The following UNC5D variants were observed in gnomAD, a reference collection of about 807,000 sequenced individuals.
The protein encoded by UNC5D is unc-5 netrin receptor D.
Under a neutral mutation model 105.4 loss-of-function variants are expected in UNC5D, and 39 were observed. That is an observed-to-expected ratio of 0.37 (90% CI 0.29 to 0.48). The LOEUF (loss-of-function observed/expected upper bound fraction) is 0.48. Among genes scored for constraint, UNC5D ranks in the 20% least tolerant of loss-of-function variants. The pLI is 0.98. For synonymous variants in UNC5D, 452 were observed against 450.4 expected (o/e 1.00, Z -0.04); for missense variants, 991 against 1,202.4 (o/e 0.82, Z 2.60).
At chr8:35,326,153 A>G (rs1469010429) in intron 1 of UNC5D, among the ~76,000 whole-genome samples, 1 of 152,172 alleles carries the variant, frequency 6.6e-6, no homozygotes, top group Non-Finnish European at 1.5e-5. Flanking sequence ...GTTTCTCATT[A>G]TGGAGTTATT....
intron 1 of UNC5D, among the ~76,000 whole-genome samples, chr8:35,248,778 T>A (rs1803413199): frequency 2.0e-5 from 2 of 98,290 alleles, no homozygotes; most frequent in Non-Finnish European, 3.5e-5. Flanking sequence ...ATTATATAAA[T>A]ATATAAAATA....
chr8:35,349,565 C>T (rs1388728566), intron 1 of UNC5D, among the ~76,000 whole-genome samples: 1 of 151,926 alleles, frequency 6.6e-6, no homozygotes, highest in African/African-American at 2.4e-5. Flanking sequence ...GCAATGAATA[C>T]TGTCAGTTTC....
intron 8 of UNC5D, among the ~76,000 whole-genome samples, chr8:35,709,699 A>C (rs1827818490): frequency 6.6e-6 from 1 of 151,994 alleles, no homozygotes; most frequent in Non-Finnish European, 1.5e-5. Context: ...AAAATAAAAC[A>C]AAATAAAATA....
rs571693582 is a variant in UNC5D at position 35,497,601 on chromosome 8, A to G, written c.104-51691A>G. Among the ~76,000 whole-genome samples, 109 of 152,202 alleles carry G rather than the reference A, an allele frequency of 7.2e-4. 2 individuals are homozygous for G. The highest frequency in any genetic ancestry group is 2.4e-3 in the African/African-American group (99 of 41,542). ...AGTGTGAGATGTCTTTTGGACAGCC[A>G]ATGGAAATATCTAATTTTTACAAAT... is the stretch of plus-strand genomic sequence containing the variant. On this transcript the variant is annotated intron_variant, in intron 1 of 16. Transcript: ENST00000404895.
At chr8:35,318,920 A>G (rs1809505058) in intron 1 of UNC5D, among the ~76,000 whole-genome samples, 1 of 152,132 alleles carries the variant, frequency 6.6e-6, no homozygotes, top group Admixed American at 6.6e-5. Context: ...AAAAAAATTA[A>G]TACTAACTTA....
At chr8:35,526,338 C>A (rs1813874245) in intron 1 of UNC5D, among the ~76,000 whole-genome samples, 1 of 152,162 alleles carries the variant, frequency 6.6e-6, no homozygotes, top group Non-Finnish European at 1.5e-5. Context: ...TCCTTGGACA[C>A]TGCAGCTATA....
chr8:35,377,248 T>C (rs2128929342), intron 1 of UNC5D, among the ~76,000 whole-genome samples: 1 of 152,294 alleles, frequency 6.6e-6, no homozygotes, highest in African/African-American at 2.4e-5. Context: ...CTTTCACCTG[T>C]GTAACAAGGT....
At chr8:35,609,769 C>T (rs7826624) in intron 4 of UNC5D, among the ~76,000 whole-genome samples, 54,876 of 152,062 alleles carry the variant, frequency 0.36, 12,523 homozygotes, top group African/African-American at 0.65. Flanking sequence ...CATGCCACCA[C>T]TTGGTTCCCT....
chr8:35,578,140 G>A (rs192833047), intron 3 of UNC5D, among the ~76,000 whole-genome samples: 1 of 149,246 alleles, frequency 6.7e-6, no homozygotes, highest in Non-Finnish European at 1.5e-5. Flanking sequence ...TAGGAGAATC[G>A]CTTGAACCCA....
At chr8:35,756,564 A>T (rs1041949732) in intron 13 of UNC5D, among the ~76,000 whole-genome samples, 108 of 150,426 alleles carry the variant, frequency 7.2e-4, no homozygotes, top group African/African-American at 2.6e-3. Flanking sequence ...AAAAAAAAAA[A>T]AAAGAAAAAA....
chr8:35,767,960 T>C (rs1219967610), intron 15 of UNC5D, among the ~76,000 whole-genome samples: 1 of 151,798 alleles, frequency 6.6e-6, no homozygotes, highest in Non-Finnish European at 1.5e-5. Context: ...TACAGGCTAG[T>C]GTAGGGAAAC....
intron 1 of UNC5D, among the ~76,000 whole-genome samples, chr8:35,413,648 A>G (rs1805343492): frequency 6.6e-6 from 1 of 152,094 alleles, no homozygotes; most frequent in Non-Finnish European, 1.5e-5. Context: ...CTCTCTACCC[A>G]GGGAACTTGT....
intron 1 of UNC5D, among the ~76,000 whole-genome samples, chr8:35,443,558 C>T (rs1029044864): frequency 3.3e-5 from 5 of 151,836 alleles, no homozygotes; most frequent in African/African-American, 4.8e-5. Flanking sequence ...AGAAAGCTGA[C>T]AGATCTCAAT....
chr8:35,729,889 A>G lies in UNC5D; in HGVS notation c.1682-1123A>G, dbSNP rs1237494169. Reference sequence around the variant, plus strand: ...CTGATAACTAGCATATTACTGAATAATGCTTACAAATGTGAATCATAAATG... The same window carrying G: ...CTGATAACTAGCATATTACTGAATAGTGCTTACAAATGTGAATCATAAATG... On this transcript the variant is annotated intron_variant, in intron 10 of 16. Coordinates refer to ENST00000404895, the MANE Select transcript of UNC5D (RefSeq NM_080872.4). Among the ~76,000 whole-genome samples the G allele has an allele frequency of 2.0e-5, 3 of 152,356 alleles. No homozygotes were observed. In the South Asian group the frequency reaches 6.2e-4, roughly 32 times the overall value.
At chr8:35,659,185 T>A (rs1823966684) in intron 4 of UNC5D, among the ~76,000 whole-genome samples, 1 of 152,116 alleles carries the variant, frequency 6.6e-6, no homozygotes, top group Admixed American at 6.5e-5. Flanking sequence ...GAATTGAGAG[T>A]ATGGAGTGTC....
intron 1 of UNC5D, among the ~76,000 whole-genome samples, chr8:35,320,663 T>G (rs2128885408): frequency 6.6e-6 from 1 of 152,266 alleles, no homozygotes; most frequent in East Asian, 1.9e-4. Flanking sequence ...CTACAAAGAC[T>G]CTGTTTTGTC....
intron 1 of UNC5D, among the ~76,000 whole-genome samples, chr8:35,429,006 C>T (rs547076625): frequency 6.6e-5 from 10 of 152,258 alleles, no homozygotes; most frequent in African/African-American, 2.4e-4. Flanking sequence ...AAATCCATCT[C>T]TTAAAAGACT....
intron 1 of UNC5D, among the ~76,000 whole-genome samples, chr8:35,378,543 A>G (rs1802836745): frequency 6.6e-6 from 1 of 152,094 alleles, no homozygotes; most frequent in African/African-American, 2.4e-5. Context: ...TGGGTTTGCT[A>G]CATTTGATGT....
chr8:35,237,197 T>C (rs1802528901), intron 1 of UNC5D, among the ~76,000 whole-genome samples: 1 of 148,550 alleles, frequency 6.7e-6, no homozygotes, highest in Admixed American at 6.7e-5. Context: ...TTTTTTTTTT[T>C]TTTTTTTTTA....
Sources: gnomAD v4.1 joint callset for allele counts (sites outside exome capture counted in the v4.1 genomes callset) on GRCh38, gnomAD v4.1.1 for gene constraint, MANE v1.5 for transcripts, NCBI Gene and HGNC (gene_info 2026-07-23, HGNC 2026-07-21) for gene names.